CPED1: variants seen among roughly 807,000 people sequenced by gnomAD.
CPED1 encodes cadherin-like and PC-esterase domain-containing protein 1.
In CPED1, 114 loss-of-function variants were observed where a neutral mutation model predicts 128.2. That is an observed-to-expected ratio of 0.89 (90% CI 0.76 to 1.04). The LOEUF is 1.04. CPED1 is among the 50% of genes least tolerant of loss of function. The pLI is 0.00. For missense variants in CPED1, 1,211 were observed against 1,207.1 expected (o/e 1.00, Z -0.05); for synonymous variants, 462 against 426.7 (o/e 1.08, Z -1.02).
At chr7:121,044,917 G>C (rs1793154384) in intron 3 of CPED1, among the ~76,000 whole-genome samples, 1 of 152,020 alleles carries the variant, frequency 6.6e-6, no homozygotes, top group African/African-American at 2.4e-5. Flanking sequence ...ATCCCTCTGT[G>C]CATATCCTTA....
chr7:121,271,575 C>A, intron 22 of CPED1, 145 bp downstream of exon 22: 1 of 798,782 alleles, frequency 1.3e-6, no homozygotes, highest in Non-Finnish European at 2.0e-6. Context: ...CATCATCATT[C>A]AGCCAAGGCA....
intron 10 of CPED1, among the ~76,000 whole-genome samples, chr7:121,127,927 G>A (rs917595342): frequency 6.6e-6 from 1 of 152,054 alleles, no homozygotes; most frequent in Non-Finnish European, 1.5e-5. Context: ...TTCATTACAT[G>A]TATTATAGTA....
At chr7:121,074,801 G>A (rs945079708) in intron 5 of CPED1, among the ~76,000 whole-genome samples, 1 of 151,994 alleles carries the variant, frequency 6.6e-6, no homozygotes, top group East Asian at 1.9e-4. Context: ...ATTAGAGCCT[G>A]TAGGCATGCC....
chr7:121,088,794 T>TAAAAAAAAAAAAAAAAAAAAAAAAA (rs1794508617), intron 5 of CPED1, among the ~76,000 whole-genome samples: 2 of 54,762 alleles, frequency 3.7e-5, no homozygotes, highest in Non-Finnish European at 3.7e-5. Context: ...AAAAAAAAAT[T>TAAAAAAAAAAAAAAAAAAAAAAAAA]GAAAGTGTAA....
intron 4 of CPED1, among the ~76,000 whole-genome samples, chr7:121,058,491 GCCAGGCACCATC>G (rs1433897281): frequency 6.6e-6 from 1 of 152,112 alleles, no homozygotes; most frequent in Non-Finnish European, 1.5e-5. Flanking sequence ...CTTACTGCTT[GCCAGGCACCATC>G]CCAAGTGCTT....
At chr7:121,082,074 G>A (rs948240594) in intron 5 of CPED1, among the ~76,000 whole-genome samples, 8 of 152,104 alleles carry the variant, frequency 5.3e-5, no homozygotes, top group Admixed American at 5.2e-4. Flanking sequence ...GGAATCCTAT[G>A]GCCCAGGCTT....
At chr7:121,139,251 A>T (rs1795848327) in intron 14 of CPED1, among the ~76,000 whole-genome samples, 2 of 152,048 alleles carry the variant, frequency 1.3e-5, no homozygotes, top group African/African-American at 4.8e-5. Flanking sequence ...CAACATTACT[A>T]GTAGTTTATT....
At chr7:121,138,719 A>G (rs192212163) in intron 14 of CPED1, among the ~76,000 whole-genome samples, 1 of 152,118 alleles carries the variant, frequency 6.6e-6, no homozygotes, top group East Asian at 1.9e-4. Context: ...TCTATGTTTT[A>G]TTTTGAAAAA....
chr7:121,065,506 G>C (rs1473399613), intron 5 of CPED1, among the ~76,000 whole-genome samples: 1 of 152,052 alleles, frequency 6.6e-6, no homozygotes, highest in Non-Finnish European at 1.5e-5. Flanking sequence ...CTTTTGACCA[G>C]AACCTACAGA....
Position 121,244,294 on chromosome 7 carries a change from G to A in CPED1, c.2266G>A (p.Val756Ile). ...TWQPHNCQYG[V>I]LTKPQLQQCL... ...GCAGCCCCACAACTGCCAATATGGTGTCCTAACTAAGCCTCAACTCCAGCA... is the reference window on the plus strand; with the variant it reads ...GCAGCCCCACAACTGCCAATATGGTATCCTAACTAAGCCTCAACTCCAGCA... Residue 756 changes from valine to isoleucine, a missense_variant, in exon 18 of 23, where the codon GTC becomes ATC. By Grantham distance (29) the Val-to-Ile change is conservative. Coordinates refer to ENST00000310396, the MANE Select transcript of CPED1 (RefSeq NM_024913.5). 1 of 1,614,122 alleles carries A rather than the reference G, an allele frequency of 6.2e-7. No homozygotes were observed.
chr7:121,165,739 G>T (rs987149041), intron 16 of CPED1, among the ~76,000 whole-genome samples: 1 of 152,034 alleles, frequency 6.6e-6, no homozygotes, highest in African/African-American at 2.4e-5. Flanking sequence ...CTTCTTTTTG[G>T]CATGTGTTGG....
chr7:121,226,057 G>A (rs1216119741), intron 16 of CPED1, among the ~76,000 whole-genome samples: 2 of 152,082 alleles, frequency 1.3e-5, no homozygotes, highest in African/African-American at 4.8e-5. Context: ...AGGAGAAGAG[G>A]TGCTCTGGTT....
chr7:121,098,773 T>TATAA (rs1794764015), intron 6 of CPED1, among the ~76,000 whole-genome samples: 8 of 119,092 alleles, frequency 6.7e-5, no homozygotes, highest in Non-Finnish European at 1.5e-4. Flanking sequence ...TATAAATATA[T>TATAA]ATATATAAAA....
chr7:121,189,423 A>G (rs1168262625), intron 16 of CPED1, among the ~76,000 whole-genome samples: 1 of 152,038 alleles, frequency 6.6e-6, no homozygotes, highest in Non-Finnish European at 1.5e-5. Flanking sequence ...GGAGAGAGAA[A>G]GAGTGAAGGA....
intron 4 of CPED1, among the ~76,000 whole-genome samples, chr7:121,047,721 T>TCTTCTTCTTCTTCTTCTTCTTC: frequency 8.6e-6 from 1 of 116,538 alleles, no homozygotes; most frequent in African/African-American, 4.4e-5. Flanking sequence ...TCTTCTTTTT[T>TCTTCTTCTTCTTCTTCTTCTTC]TTTTTTTGAG....
chr7:121,128,669 T>G (rs1423320342), intron 11 of CPED1, among the ~76,000 whole-genome samples, 183 bp downstream of exon 11: 1 of 152,154 alleles, frequency 6.6e-6, no homozygotes, highest in Non-Finnish European at 1.5e-5. Context: ...ATGCATAACT[T>G]TAAGAGTTTG....
chr7:121,206,214 A>T (rs1797513020), intron 16 of CPED1, among the ~76,000 whole-genome samples: 1 of 152,052 alleles, frequency 6.6e-6, no homozygotes, highest in Non-Finnish European at 1.5e-5. Flanking sequence ...AAGACAAAAT[A>T]ATGACATTTT....
intron 4 of CPED1, among the ~76,000 whole-genome samples, chr7:121,052,480 C>T (rs1161331347): frequency 2.0e-5 from 3 of 152,090 alleles, no homozygotes; most frequent in Admixed American, 6.5e-5. Flanking sequence ...ATCTCTGTAG[C>T]CTTCACCATC....
Position 121,295,904 on chromosome 7 carries a change from T to C in CPED1, c.*252T>C, listed in dbSNP as rs1215101553. 2 of 363,380 alleles carry C rather than the reference T, an allele frequency of 5.5e-6. No homozygotes were observed. Among genetic ancestry groups the C allele is most frequent in the African/African-American group, 4.1e-5 (2 of 48,482 alleles). 22.5% of individuals were successfully genotyped at this position (363,380 alleles called of 1,614,324 possible). ...AAAGATATACCTAGAGAAACGTTAC[T>C]TGAAGCATAATTATTAACCAGAACC... On this transcript the variant is annotated 3_prime_UTR_variant, in exon 23 of 23. Coordinates refer to ENST00000310396, the MANE Select transcript of CPED1 (RefSeq NM_024913.5).
Sources: allele counts gnomAD v4.1 joint callset (sites outside exome capture counted in the v4.1 genomes callset), GRCh38; gene constraint gnomAD v4.1.1; transcripts MANE v1.5; gene names NCBI Gene and HGNC (gene_info 2026-07-23, HGNC 2026-07-21).